The following ERO1B variants were observed in gnomAD, a reference collection of about 807,000 sequenced individuals.
ERO1B encodes ERO1-like protein beta.
Under a neutral mutation model 75.3 loss-of-function variants are expected in ERO1B, and 49 were observed. The ratio of observed to expected loss-of-function variants is 0.65; its 90% CI spans 0.52 to 0.83. ERO1B has a LOEUF of 0.83. Ranked by LOEUF, ERO1B falls within the 40% of genes least tolerant of loss-of-function variation. ERO1B has a pLI of 0.00. For synonymous variants in ERO1B, 191 were observed against 192.9 expected (o/e 0.99, Z 0.08); for missense variants, 512 against 560.1 (o/e 0.91, Z 0.87).
At position 236,230,258 on chromosome 1, in the gene ERO1B, A is replaced by T; in HGVS notation, c.686-8T>A. The T allele has an allele frequency of 1.9e-6, 3 of 1,588,344 alleles. No homozygotes were observed. Among genetic ancestry groups the T allele is most frequent in the Non-Finnish European group, 2.6e-6 (3 of 1,158,484 alleles). Reference sequence around the variant, plus strand: ...ATGTGTAGAATGATTCTCCTGAGAGAGAGAGAAAAGTGGATTAAAACATTA... The same window carrying T: ...ATGTGTAGAATGATTCTCCTGAGAGTGAGAGAAAAGTGGATTAAAACATTA... On this transcript the variant is annotated splice_region_variant and splice_polypyrimidine_tract_variant and intron_variant, in intron 9 of 15. Coordinates refer to ENST00000354619, the MANE Select transcript of ERO1B (RefSeq NM_019891.4).
Position 236,220,868 on chromosome 1 carries a change from C to T in ERO1B, c.1307G>A (p.Arg436Gln). ...ATTTAAAAGAGCAACTATTTCCTGT[C>T]GGGTGAGTTGGAAGCCTTTAGATGG... ...NSPSKGFQLT[R>Q]QEIVALLNAF... is the part of the protein sequence containing the mutation. Residue 436 changes from arginine to glutamine, a missense_variant, in exon 15 of 16, where the codon CGA (arginine) becomes CAA (glutamine). Physicochemically the swap from Arg to Gln is conservative, Grantham distance 43 (BLOSUM62 1). Coordinates refer to ENST00000354619, the MANE Select transcript of ERO1B (RefSeq NM_019891.4). The T allele has an allele frequency of 6.3e-7, 1 of 1,588,532 alleles. No homozygotes were observed. Among genetic ancestry groups the T allele is most frequent in the East Asian group, 2.3e-5 (1 of 43,814 alleles).
intron 2 of ERO1B, among the ~76,000 whole-genome samples, chr1:236,261,303 C>G (rs1205346574): frequency 1.3e-5 from 2 of 151,902 alleles, no homozygotes; most frequent in African/African-American, 4.8e-5. Context: ...AAGTTCTAGT[C>G]AGAGCAATAA....
intron 10 of ERO1B, among the ~76,000 whole-genome samples, chr1:236,229,842 A>G (rs1191691764): frequency 2.0e-5 from 3 of 152,210 alleles, no homozygotes; most frequent in Non-Finnish European, 4.4e-5. Flanking sequence ...ATTCATATTT[A>G]TCTTCCATTA....
At chr1:236,261,643 T>C (rs1378269899) in intron 2 of ERO1B, among the ~76,000 whole-genome samples, 2 of 152,186 alleles carry the variant, frequency 1.3e-5, no homozygotes, top group African/African-American at 4.8e-5. Context: ...ACTGAAGACA[T>C]AAATAAGTGG....
At position 236,216,934 on chromosome 1, in the gene ERO1B, A is replaced by G. The variant is rs1433997258; in HGVS notation, c.*1582T>C. The G allele has an allele frequency of 1.3e-5, 2 of 151,778 alleles. No individual in the cohort carries two copies. Among genetic ancestry groups the G allele is most frequent in the African/African-American group, 4.9e-5 (2 of 41,188 alleles). 9.4% of individuals were successfully genotyped at this position (151,778 alleles called of 1,614,324 possible). A position where few individuals can be genotyped will look rare whatever the true frequency, so the allele number is the denominator to read the frequency against. ...CTCCAATCAAGTCAGCCTTTTAAAC[A>G]ACTTAACAAAAAATACTACCACCAT... On this transcript the variant is annotated 3_prime_UTR_variant, in exon 16 of 16. Coordinates refer to ENST00000354619, the MANE Select transcript of ERO1B (RefSeq NM_019891.4).
intron 15 of ERO1B, 90 bp downstream of exon 15, chr1:236,220,742 C>A: frequency 5.2e-6 from 7 of 1,336,600 alleles, no homozygotes; most frequent in South Asian, 4.3e-5. Context: ...GTCAACAAAA[C>A]AAACCCTACT....
chr1:236,271,032 A>AT (rs1213954299), intron 1 of ERO1B, among the ~76,000 whole-genome samples: 3 of 152,202 alleles, frequency 2.0e-5, no homozygotes, highest in Non-Finnish European at 4.4e-5. Context: ...TACAAACAAA[A>AT]CAAGTAAAAC....
intron 5 of ERO1B, among the ~76,000 whole-genome samples, chr1:236,249,373 T>C (rs975897607): frequency 6.6e-6 from 1 of 152,186 alleles, no homozygotes; most frequent in African/African-American, 2.4e-5. Flanking sequence ...ATTTCTGAAA[T>C]ATCTCATTCC....
At chr1:236,269,649 G>T (rs1047766649) in intron 2 of ERO1B, among the ~76,000 whole-genome samples, 6 of 152,154 alleles carry the variant, frequency 3.9e-5, no homozygotes, top group Non-Finnish European at 8.8e-5. Context: ...AGTAGTCTCT[G>T]CCTAAAAACC....
At chr1:236,243,280 A>G in intron 6 of ERO1B, 142 bp downstream of exon 6, 1 of 532,818 alleles carries the variant, frequency 1.9e-6, no homozygotes, top group Non-Finnish European at 3.2e-6. Context: ...CAGGCTCTCA[A>G]TAAATGCCAT....
At chr1:236,270,053 ACAC>A in intron 1 of ERO1B, 59 bp from the exon 2 acceptor site, 1 of 1,170,560 alleles carries the variant, frequency 8.5e-7, no homozygotes, top group Admixed American at 2.3e-5. Context: ...TAACAAATCT[ACAC>A]TATTATATAA....
chr1:236,222,361 C>G (rs945090728), intron 13 of ERO1B, among the ~76,000 whole-genome samples: 2 of 152,210 alleles, frequency 1.3e-5, no homozygotes, highest in Non-Finnish European at 2.9e-5. Context: ...GATCTGCCCA[C>G]CTCGACCTCC....
intron 2 of ERO1B, 52 bp from the exon 3 acceptor site, chr1:236,253,557 C>G (rs1288792967): frequency 2.5e-6 from 3 of 1,196,038 alleles, no homozygotes; most frequent in Middle Eastern, 3.8e-4. Context: ...ATGGGGTGCT[C>G]TCAAAGTGTC....
At chr1:236,220,662 G>T in intron 15 of ERO1B, 170 bp downstream of exon 15, 1 of 518,114 alleles carries the variant, frequency 1.9e-6, no homozygotes, top group Non-Finnish European at 3.1e-6. Flanking sequence ...CCTATGACCT[G>T]TAGAGAAACT....
chr1:236,231,004 C>G (rs980737323), intron 9 of ERO1B, among the ~76,000 whole-genome samples: 2 of 151,940 alleles, frequency 1.3e-5, no homozygotes, highest in Non-Finnish European at 2.9e-5. Context: ...AACATTTTAA[C>G]GATCTCAAAT....
rs565313528 is a variant in ERO1B at position 236,236,158 on chromosome 1, C to G, written c.626+120G>C. ...GCCAGGCTGGTCTTGAACTCCTGACCTCAGATGATCCACCCACCTTGGCCT... is the reference window on the plus strand; with the variant it reads ...GCCAGGCTGGTCTTGAACTCCTGACGTCAGATGATCCACCCACCTTGGCCT... On this transcript the variant is annotated intron_variant, in intron 7 of 15. Transcript: ENST00000354619. 3.6e-5 allele frequency: 45 copies of G among 1,266,438 alleles called. No individual in the cohort carries two copies. In the South Asian group the frequency reaches 5.2e-4, roughly 15 times the overall value. 78.5% of individuals were successfully genotyped at this position (1,266,438 alleles called of 1,614,324 possible). A position where few individuals can be genotyped will look rare whatever the true frequency, so the allele number is the denominator to read the frequency against.
At chr1:236,277,057 A>T (rs1167134585) in intron 1 of ERO1B, among the ~76,000 whole-genome samples, 2 of 152,134 alleles carry the variant, frequency 1.3e-5, no homozygotes, top group African/African-American at 4.8e-5. Flanking sequence ...GAGTCAATTA[A>T]ATCTCTTTTC....
At chr1:236,263,778 C>CTTTTTTTTTTTT in intron 2 of ERO1B, among the ~76,000 whole-genome samples, 9 of 80,302 alleles carry the variant, frequency 1.1e-4, no homozygotes, top group Admixed American at 1.2e-4. Flanking sequence ...ATTTTGTTTG[C>CTTTTTTTTTTTT]TTTTTTTTTT....
intron 9 of ERO1B, among the ~76,000 whole-genome samples, chr1:236,231,132 A>C (rs1485709944): frequency 6.6e-6 from 1 of 152,192 alleles, no homozygotes; most frequent in Admixed American, 6.5e-5. Context: ...AAAACTAAAA[A>C]TATTTCCTCA....
Sources: allele counts gnomAD v4.1 joint callset (sites outside exome capture counted in the v4.1 genomes callset), GRCh38; gene constraint gnomAD v4.1.1; transcripts MANE v1.5; gene names NCBI Gene and HGNC (gene_info 2026-07-23, HGNC 2026-07-21).